COPG2: variants seen among roughly 807,000 people sequenced by gnomAD.
The protein encoded by COPG2 is coatomer subunit gamma-2.
COPG2 carries 37 observed loss-of-function variants against 46.3 expected under a neutral mutation model. The observed-to-expected ratio is 0.80, with a 90% CI of 0.61 to 1.05. The LOEUF is 1.05. Among genes scored for constraint, COPG2 ranks in the 50% least tolerant of loss-of-function variants. COPG2 has a pLI of 0.00. For synonymous variants in COPG2, 159 were observed against 129.7 expected, an observed-to-expected ratio of 1.23 and a Z score of -1.53; for missense variants, 427 against 387.8, an observed-to-expected ratio of 1.10 and a Z score of -0.85.
chr7:130,645,406 C>A (rs1240843341), intron 5 of COPG2: 1 of 502,396 alleles, frequency 2.0e-6, no homozygotes. Context: ...GGGCTCCACC[C>A]GTCGGTGTCC....
Position 130,563,323 on chromosome 7 carries a change from G to A in COPG2, c.885C>T (p.Phe295=), listed in dbSNP as rs1182718686. 34 of 397,580 alleles carry A rather than the reference G, an allele frequency of 8.6e-5. No homozygotes were observed. In the East Asian group the frequency reaches 1.2e-3, roughly 14 times the overall value. The allele number at this position is 397,580 out of a possible 1,614,324, so 24.6% of individuals were successfully genotyped here. ...TCAAGGCTGGCTTAGGAGAACTACAGAAAAGTTGAAGAACTAAAAAAAAAT... is the reference window on the plus strand; with the variant it reads ...TCAAGGCTGGCTTAGGAGAACTACAAAAAAGTTGAAGAACTAAAAAAAAAT... ...LAPAVSVLQL[F]CSSPKPALRY... The change falls in exon 11 of 24, where the codon TTC becomes TTT. Residue 295 remains phenylalanine (F), a synonymous_variant. Coordinates refer to ENST00000425248, the MANE Select transcript of COPG2 (RefSeq NM_012133.6).
At chr7:130,654,351 G>A (rs2116242714) in intron 4 of COPG2, among the ~76,000 whole-genome samples, 1 of 152,258 alleles carries the variant, frequency 6.6e-6, no homozygotes, top group South Asian at 2.1e-4. Context: ...TTACTGGCAT[G>A]GAATATAGTA....
chr7:130,525,541 T>C (rs1394166241), intron 20 of COPG2, among the ~76,000 whole-genome samples: 7 of 152,006 alleles, frequency 4.6e-5, no homozygotes, highest in Admixed American at 2.6e-4. Context: ...TGCTTGCAAA[T>C]AGTGGAGGAG....
At chr7:130,539,829 G>A (rs1054037696) in intron 20 of COPG2, among the ~76,000 whole-genome samples, 8,641 of 152,208 alleles carry the variant, frequency 0.057, 360 homozygotes, top group East Asian at 0.16. Flanking sequence ...TAGTTGGAGC[G>A]AGGTGAACGG....
chr7:130,588,625 A>C (rs1794334350), intron 9 of COPG2, among the ~76,000 whole-genome samples: 1 of 152,200 alleles, frequency 6.6e-6, no homozygotes, highest in Admixed American at 6.5e-5. Context: ...GAAGGGGATC[A>C]TCACACACTG....
At chr7:130,585,883 T>C (rs1180365585) in intron 9 of COPG2, among the ~76,000 whole-genome samples, 3 of 152,028 alleles carry the variant, frequency 2.0e-5, no homozygotes, top group African/African-American at 4.8e-5. Flanking sequence ...TGTAAACTAG[T>C]ACAACCACTA....
At chr7:130,646,659 G>A (rs1795600419) in intron 5 of COPG2, among the ~76,000 whole-genome samples, 1 of 151,766 alleles carries the variant, frequency 6.6e-6, no homozygotes, top group Non-Finnish European at 1.5e-5. Context: ...CACGTGTTGA[G>A]GGAGGTAGGT....
chr7:130,598,050 C>G (rs1306849603), intron 9 of COPG2, among the ~76,000 whole-genome samples: 1 of 152,206 alleles, frequency 6.6e-6, no homozygotes, highest in Non-Finnish European at 1.5e-5. Context: ...GACCAAACAG[C>G]CCTAACAGCA....
At chr7:130,530,148 A>G (rs1799810404) in intron 20 of COPG2, among the ~76,000 whole-genome samples, 1 of 152,044 alleles carries the variant, frequency 6.6e-6, no homozygotes, top group Non-Finnish European at 1.5e-5. Flanking sequence ...CCTGTGTAAG[A>G]AGAAGTCTTA....
chr7:130,586,652 C>T (rs1209619616), intron 9 of COPG2, among the ~76,000 whole-genome samples: 3 of 152,008 alleles, frequency 2.0e-5, no homozygotes, highest in East Asian at 1.9e-4. Flanking sequence ...TTAGTAGAGA[C>T]AGCATTTTAC....
At chr7:130,576,718 C>T (rs1554446269) in intron 9 of COPG2, among the ~76,000 whole-genome samples, 1 of 151,978 alleles carries the variant, frequency 6.6e-6, no homozygotes, top group African/African-American at 2.4e-5. Context: ...ACAAACCAAA[C>T]CCAAACCTAA....
intron 5 of COPG2, among the ~76,000 whole-genome samples, chr7:130,638,431 G>A (rs1795389269): frequency 1.3e-5 from 2 of 152,184 alleles, no homozygotes; most frequent in South Asian, 4.1e-4. Flanking sequence ...GCCCAGAGAG[G>A]AGGAATCTAG....
chr7:130,554,642 A>G lies in COPG2; in HGVS notation c.1307T>C (p.Leu436Pro). 2 of 398,650 alleles carry G rather than the reference A, an allele frequency of 5.0e-6. No homozygotes were observed. The allele number at this position is 398,650 out of a possible 1,614,324, so 24.7% of individuals were successfully genotyped here. A position where few individuals can be genotyped will look rare whatever the true frequency, so the allele number is the denominator to read the frequency against. The change falls in exon 14 of 24, where the codon CTA becomes CCA. Residue 436 changes from leucine (L) to proline (P), a missense_variant. Coordinates refer to ENST00000425248, the MANE Select transcript of COPG2 (RefSeq NM_012133.6). The part of the protein sequence containing the change: ...EENPESKEAG[L>P]AHLCEFIEDC... The stretch of plus-strand genomic sequence containing the variant: ...CTCAATGAATTCACAAAGGTGGGCT[A>G]GGCCTGCTTCTTTACTCTCAGGGTT...
At chr7:130,539,837 C>T (rs945275779) in intron 20 of COPG2, among the ~76,000 whole-genome samples, 5 of 151,994 alleles carry the variant, frequency 3.3e-5, no homozygotes, top group African/African-American at 9.7e-5. Context: ...GCGAGGTGAA[C>T]GGGGAGGTCC....
At chr7:130,591,581 G>A (rs1420477648) in intron 9 of COPG2, among the ~76,000 whole-genome samples, 33 of 115,056 alleles carry the variant, frequency 2.9e-4, no homozygotes, top group Admixed American at 4.4e-4. Context: ...CCGGCCAGCC[G>A]CCCCGTCCGG....
At position 130,587,233 on chromosome 7, in the gene COPG2, G is replaced by A. The variant is rs140389677; in HGVS notation, c.738-22840C>T. On this transcript the variant is annotated intron_variant, in intron 9 of 23. Coordinates refer to ENST00000425248, the MANE Select transcript of COPG2 (RefSeq NM_012133.6). ...AAGGAAGGAGAATCGCTGGAACACA[G>A]AAGGTGGACGCTACAGTGAGCCGAG... Among the ~76,000 whole-genome samples, 34 of 152,010 alleles carry A rather than the reference G, an allele frequency of 2.2e-4. No homozygotes were observed. In the East Asian group the frequency reaches 6.4e-3, roughly 29 times the overall value.
intron 5 of COPG2, among the ~76,000 whole-genome samples, chr7:130,636,538 G>GTTTT (rs59688621): frequency 2.1e-5 from 2 of 94,142 alleles, no homozygotes; most frequent in African/African-American, 4.3e-5. Flanking sequence ...ATTGCAACCG[G>GTTTT]TTTTTTTTTT....
At chr7:130,619,503 C>T (rs1173542739) in intron 5 of COPG2, among the ~76,000 whole-genome samples, 1 of 152,126 alleles carries the variant, frequency 6.6e-6, no homozygotes, top group Non-Finnish European at 1.5e-5. Context: ...CATCTGCCCT[C>T]CCGTGTATCT....
chr7:130,616,949 A>T, intron 6 of COPG2, 41 bp downstream of exon 6: 1 of 1,324,904 alleles, frequency 7.5e-7, no homozygotes, highest in Non-Finnish European at 1.1e-6. Context: ...GCAGATAAAC[A>T]TAGTGTTCCA....
Sources: gnomAD v4.1 joint callset for allele counts (sites outside exome capture counted in the v4.1 genomes callset) on GRCh38, gnomAD v4.1.1 for gene constraint, MANE v1.5 for transcripts, NCBI Gene and HGNC (gene_info 2026-07-23, HGNC 2026-07-21) for gene names.